The following SEMA5B variants were observed in gnomAD, a reference collection of about 807,000 sequenced individuals.
SEMA5B encodes semaphorin-5B.
SEMA5B carries 66 observed loss-of-function variants against 135.0 expected under a neutral mutation model. That is an observed-to-expected ratio of 0.49 (90% CI 0.40 to 0.60). SEMA5B has a LOEUF of 0.60. Among genes scored for constraint, SEMA5B ranks in the 20% least tolerant of loss-of-function variants. The pLI, the probability that SEMA5B is intolerant of heterozygous loss-of-function variation, is 0.00. For synonymous variants in SEMA5B, 690 were observed against 639.5 expected (o/e 1.08, Z -1.19); for missense variants, 1,501 against 1,566.3 (o/e 0.96, Z 0.70).
intron 1 of SEMA5B, among the ~76,000 whole-genome samples, chr3:123,005,344 T>C (rs889209612): frequency 2.6e-5 from 4 of 152,112 alleles, no homozygotes; most frequent in African/African-American, 9.7e-5. Context: ...ACTGAAGAAA[T>C]GTTCTTCATT....
intron 1 of SEMA5B, chr3:122,992,728 G>A (rs1437465969): frequency 6.6e-6 from 1 of 152,248 alleles, no homozygotes; most frequent in Non-Finnish European, 1.5e-5. Context: ...GGTCCACTGT[G>A]ACTCGCTTAG....
chr3:122,921,189 G>A (rs547326470), intron 12 of SEMA5B, among the ~76,000 whole-genome samples: 1 of 152,370 alleles, frequency 6.6e-6, no homozygotes, highest in East Asian at 1.9e-4. Context: ...CATGGCTGTG[G>A]TGGTGCCAGC....
chr3:122,919,573 T>A (rs568788426), intron 12 of SEMA5B, among the ~76,000 whole-genome samples: 1 of 152,306 alleles, frequency 6.6e-6, no homozygotes, highest in East Asian at 1.9e-4. Flanking sequence ...GGAAAAAGCA[T>A]GAAATGCCTA....
At chr3:122,983,493 C>T (rs1272613498) in intron 1 of SEMA5B, among the ~76,000 whole-genome samples, 1 of 151,638 alleles carries the variant, frequency 6.6e-6, no homozygotes. Flanking sequence ...TAAAGACACA[C>T]GAGAAAGCCA....
chr3:122,953,343 C>T (rs1258669801), intron 2 of SEMA5B, among the ~76,000 whole-genome samples: 1 of 152,180 alleles, frequency 6.6e-6, no homozygotes, highest in East Asian at 1.9e-4. Context: ...GCTCCAGGGG[C>T]CCGAATTAGG....
Position 122,913,859 on chromosome 3 carries a change from G to T in SEMA5B, c.2131C>A (p.Arg711=), listed in dbSNP as rs1937916373. 1.9e-6 allele frequency: 3 copies of T among 1,601,828 alleles called. No homozygotes were observed. The highest frequency in any genetic ancestry group is 3.4e-5 in the Admixed American group (2 of 59,030). The part of the protein sequence containing the change: ...RICVGKSREE[R]FCNENTPCPV... ...CAGAGCAAGCCTGTTCTCCCTCACCGTTCCTCCCGGCTCTTGCCCACGCAG... is the reference window on the plus strand; with the variant it reads ...CAGAGCAAGCCTGTTCTCCCTCACCTTTCCTCCCGGCTCTTGCCCACGCAG... The change falls in exon 15 of 23, where the codon CGG becomes AGG. Residue 711 remains arginine, a splice_region_variant and synonymous_variant. Coordinates refer to ENST00000357599, the MANE Select transcript of SEMA5B (RefSeq NM_001031702.4).
intron 5 of SEMA5B, among the ~76,000 whole-genome samples, chr3:122,930,559 G>T (rs1938912672): frequency 6.6e-6 from 1 of 152,270 alleles, no homozygotes; most frequent in Admixed American, 6.5e-5. Flanking sequence ...CAGGCCAAAA[G>T]CCCCGGACGG....
At chr3:122,923,381 C>T (rs1938468522) in intron 10 of SEMA5B, among the ~76,000 whole-genome samples, 1 of 152,200 alleles carries the variant, frequency 6.6e-6, no homozygotes, top group Admixed American at 6.5e-5. Flanking sequence ...GAGGTGTGGG[C>T]TCACATTTAG....
chr3:122,913,451 A>G lies in SEMA5B; in HGVS notation c.2281-27T>C, dbSNP rs752314826. On this transcript the variant is annotated intron_variant, in intron 16 of 22. Transcript: ENST00000357599. Reference sequence around the variant, plus strand: ...TGCGGGTGGCGGCAGAGGCAGCTTTAGAACCCCACGGCCTCCAGGCCCGCC... The same window carrying G: ...TGCGGGTGGCGGCAGAGGCAGCTTTGGAACCCCACGGCCTCCAGGCCCGCC... 7.7e-6 allele frequency: 12 copies of G among 1,560,462 alleles called. No homozygotes were observed. In the East Asian group the frequency reaches 2.7e-4, roughly 36 times the overall value.
At position 122,943,525 on chromosome 3, in the gene SEMA5B, C is replaced by A. The variant is rs566448051; in HGVS notation, c.339G>T (p.Pro113=). The A allele has an allele frequency of 6.2e-7, 1 of 1,607,558 alleles. No individual in the cohort carries two copies. Among genetic ancestry groups the A allele is most frequent in the South Asian group, 1.1e-5 (1 of 88,944 alleles). ...HPTVAFEDLQ[P]WVSNFTYPGA... Reference sequence around the variant, plus strand: ...CAGGGTAGGTGAAGTTAGAGACCCACGGCTGCAGGTCTGGTGGAGGGAGAG... The same window carrying A: ...CAGGGTAGGTGAAGTTAGAGACCCAAGGCTGCAGGTCTGGTGGAGGGAGAG... The change falls in exon 4 of 23, where the codon CCG becomes CCT. Residue 113 remains proline (P), a synonymous_variant. Coordinates refer to ENST00000357599, the MANE Select transcript of SEMA5B (RefSeq NM_001031702.4).
intron 3 of SEMA5B, among the ~76,000 whole-genome samples, chr3:122,944,012 C>T (rs1939678197): frequency 2.0e-5 from 3 of 152,150 alleles, no homozygotes; most frequent in African/African-American, 2.4e-5. Flanking sequence ...CACAAAGCAA[C>T]CTGAACGCTT....
intron 1 of SEMA5B, among the ~76,000 whole-genome samples, chr3:122,968,485 C>T (rs1228515775): frequency 6.6e-6 from 1 of 152,170 alleles, no homozygotes; most frequent in Non-Finnish European, 1.5e-5. Flanking sequence ...GATCCAGCCC[C>T]AAGGTGCTGT....
chr3:122,915,349 A>C, intron 14 of SEMA5B, 91 bp downstream of exon 14: 2 of 1,279,852 alleles, frequency 1.6e-6, no homozygotes, highest in Non-Finnish European at 2.2e-6. Context: ...TCTGTCCCTT[A>C]GTGCAAACAC....
intron 5 of SEMA5B, among the ~76,000 whole-genome samples, chr3:122,934,700 A>C (rs970021104): frequency 6.6e-6 from 1 of 152,162 alleles, no homozygotes; most frequent in Non-Finnish European, 1.5e-5. Flanking sequence ...ATATGAAGTT[A>C]TTAACTTTGG....
At position 122,912,896 on chromosome 3, in the gene SEMA5B, G is replaced by A; in HGVS notation, c.2672C>T (p.Pro891Leu). Reference protein sequence around the residue: ...TNPEPRNGGLPCVGDAAEYQD... With the variant: ...TNPEPRNGGLLCVGDAAEYQD... ...GTACTCGGCAGCATCGCCCACGCAG[G>A]GCAGGCCCCCGTTGCGGGGCTCCGG... is the stretch of plus-strand genomic sequence containing the variant. Residue 891 changes from proline (P) to leucine (L), a missense_variant, in exon 18 of 23, where the codon CCC (proline) becomes CTC (leucine). Physicochemically the swap from Pro to Leu is moderately conservative, Grantham distance 98. Coordinates refer to ENST00000357599, the MANE Select transcript of SEMA5B (RefSeq NM_001031702.4). 1.2e-6 allele frequency: 2 copies of A among 1,610,770 alleles called. No homozygotes were observed. Among genetic ancestry groups the A allele is most frequent in the African/African-American group, 1.3e-5 (1 of 74,778 alleles).
chr3:122,992,247 G>T (rs572147331), intron 1 of SEMA5B, among the ~76,000 whole-genome samples: 10 of 152,326 alleles, frequency 6.6e-5, no homozygotes, highest in Non-Finnish European at 1.5e-4. Flanking sequence ...ACTCTGTGAA[G>T]CCCAGCAGCC....
chr3:122,924,130 AC>A (rs1401596455), intron 9 of SEMA5B, among the ~76,000 whole-genome samples: 1 of 152,228 alleles, frequency 6.6e-6, no homozygotes, highest in African/African-American at 2.4e-5. Context: ...ACTTACCCTT[AC>A]TAAATATGTT....
At chr3:122,985,278 T>C (rs893149396) in intron 1 of SEMA5B, among the ~76,000 whole-genome samples, 3 of 152,132 alleles carry the variant, frequency 2.0e-5, no homozygotes, top group Admixed American at 1.3e-4. Context: ...GGATTGCTTC[T>C]AGCCAGGAGT....
chr3:122,994,121 T>C (rs1941961906), intron 1 of SEMA5B, among the ~76,000 whole-genome samples: 1 of 151,970 alleles, frequency 6.6e-6, no homozygotes, highest in Admixed American at 6.5e-5. Flanking sequence ...ACAGCCCGAC[T>C]TCCTCAACCT....
Sources: gnomAD v4.1 joint callset for allele counts (sites outside exome capture counted in the v4.1 genomes callset) on GRCh38, gnomAD v4.1.1 for gene constraint, MANE v1.5 for transcripts, NCBI Gene and HGNC (gene_info 2026-07-23, HGNC 2026-07-21) for gene names.